Variants in AFF3 observed in about 807,000 individuals in gnomAD.
The protein encoded by AFF3 is ALF transcription elongation factor 3, also known as AF4/FMR2 family member 3.
A neutral mutation model predicts 129.7 loss-of-function variants in AFF3; 32 were observed. That is an observed-to-expected ratio of 0.25 (90% CI 0.19 to 0.33). The LOEUF (loss-of-function observed/expected upper bound fraction) is 0.33. AFF3 is among the 10% of genes least tolerant of loss of function. AFF3 has a pLI of 1.00. For synonymous variants in AFF3, 644 were observed against 635.4 expected, an observed-to-expected ratio of 1.01 and a Z score of -0.20; for missense variants, 1,373 against 1,592.0, an observed-to-expected ratio of 0.86 and a Z score of 2.34.
intron 1 of AFF3, among the ~76,000 whole-genome samples, chr2:100,132,625 A>G (rs1002556630): frequency 3.3e-5 from 5 of 152,228 alleles, no homozygotes; most frequent in African/African-American, 1.2e-4. Flanking sequence ...ATAAGGCAGT[A>G]TACATACACT....
intron 4 of AFF3, among the ~76,000 whole-genome samples, chr2:100,028,809 C>G (rs542352422): frequency 6.6e-6 from 1 of 152,212 alleles, no homozygotes; most frequent in East Asian, 1.9e-4. Flanking sequence ...TTGAGCACTG[C>G]TGATGGAAAT....
chr2:99,784,191 A>T (rs1320526205), intron 8 of AFF3, among the ~76,000 whole-genome samples: 2 of 152,224 alleles, frequency 1.3e-5, no homozygotes, highest in African/African-American at 4.8e-5. Context: ...AATCAGAACC[A>T]AGCCCAGATA....
At chr2:99,837,988 A>G (rs937009906) in intron 7 of AFF3, among the ~76,000 whole-genome samples, 3 of 152,160 alleles carry the variant, frequency 2.0e-5, no homozygotes, top group African/African-American at 7.2e-5. Context: ...ACCGTCCTCA[A>G]AGCCTTGGTT....
chr2:99,866,525 C>T (rs1362146495), intron 7 of AFF3, among the ~76,000 whole-genome samples: 1 of 151,720 alleles, frequency 6.6e-6, no homozygotes, highest in Non-Finnish European at 1.5e-5. Context: ...AAACTGCCAC[C>T]ATCATCACCC....
chr2:99,893,778 G>C (rs1357182398), intron 7 of AFF3, among the ~76,000 whole-genome samples: 1 of 152,216 alleles, frequency 6.6e-6, no homozygotes, highest in Non-Finnish European at 1.5e-5. Flanking sequence ...GCTAGACACA[G>C]AAACTTCCAA....
chr2:99,961,911 A>G (rs1444244132), intron 7 of AFF3, among the ~76,000 whole-genome samples: 1 of 152,184 alleles, frequency 6.6e-6, no homozygotes, highest in African/African-American at 2.4e-5. Flanking sequence ...CACCCCACTG[A>G]AAAAACTTGG....
chr2:99,714,323 A>T (rs1286303441), intron 11 of AFF3, among the ~76,000 whole-genome samples: 1 of 152,170 alleles, frequency 6.6e-6, no homozygotes, highest in Non-Finnish European at 1.5e-5. Context: ...GCCCCTTTGC[A>T]GGCCTCCAGT....
In AFF3 at chr2:100,073,019, C is replaced by T. The variant is rs150567119; in HGVS notation, c.53+31383G>A. On this transcript the variant is annotated intron_variant, in intron 4 of 24. Coordinates refer to ENST00000672756, the MANE Select transcript of AFF3 (RefSeq NM_001386135.1). ...CGATGGAGAACAAGATAAAGGCCAA[C>T]GCTGTGAGTGTCAATGTTGAGGACA... Among the ~76,000 whole-genome samples the T allele has an allele frequency of 1.4e-4, 21 of 152,286 alleles. No homozygotes were observed. The East Asian group carries it at 1.7e-3, about 13-fold the overall frequency.
chr2:99,601,586 A>T lies in AFF3; in HGVS notation c.1220T>A (p.Val407Glu). 6.3e-7 allele frequency: 1 copy of T among 1,598,654 alleles called. No individual in the cohort carries two copies. The change falls in exon 14 of 25, where the codon GTG (valine) becomes GAG (glutamate). Residue 407 changes from valine (V) to glutamate (E), a missense_variant. Around this residue, in one of 9 missense-constraint regions of AFF3, gnomAD observed 413 missense variants for 424.4 expected, o/e 0.97. Coordinates refer to ENST00000672756, the MANE Select transcript of AFF3 (RefSeq NM_001386135.1). ...GCTGCTGCTGCCCTTGCTGGAAGGC[A>T]CCGAGGTTCTGCAGTTGGGCTGCTG... Reference protein sequence around the residue: ...VVQQPNCRTSVPSSKGSSSSS... With the variant: ...VVQQPNCRTSEPSSKGSSSSS...
chr2:99,567,024 G>C (rs1380766964), intron 19 of AFF3, among the ~76,000 whole-genome samples: 1 of 150,092 alleles, frequency 6.7e-6, no homozygotes, highest in East Asian at 2.0e-4. Flanking sequence ...CTGGAGTGCA[G>C]TGGCATGATC....
At chr2:99,994,365 T>C (rs914824081) in intron 7 of AFF3, among the ~76,000 whole-genome samples, 2 of 151,920 alleles carry the variant, frequency 1.3e-5, no homozygotes, top group East Asian at 1.9e-4. Context: ...AAGAGAGAGG[T>C]AAAAAAAGTG....
At chr2:99,929,259 A>C (rs1264352551) in intron 7 of AFF3, among the ~76,000 whole-genome samples, 1 of 152,120 alleles carries the variant, frequency 6.6e-6, no homozygotes, top group Non-Finnish European at 1.5e-5. Context: ...CCCAGGAGGC[A>C]GAGGTTGTGG....
Position 99,732,873 on chromosome 2 carries a change from T to C in AFF3, c.1040-5745A>G, listed in dbSNP as rs143166669. On this transcript the variant is annotated intron_variant, in intron 10 of 24. Coordinates refer to ENST00000672756, the MANE Select transcript of AFF3 (RefSeq NM_001386135.1). ...ACTTGTTATGATCAAGGTTTTAAAG[T>C]TTTTTCTAATTTAATAATGTAGAAT... 4.7e-3 allele frequency among the ~76,000 whole-genome samples: 666 copies of C among 142,514 alleles called. 3 individuals carry two copies. Among genetic ancestry groups the C allele is most frequent in the African/African-American group, 0.016 (631 of 39,304 alleles). The allele number at this position is 142,514 out of a possible 152,430, so 93.5% of individuals were successfully genotyped here.
intron 11 of AFF3, among the ~76,000 whole-genome samples, chr2:99,695,420 C>T (rs753074611): frequency 3.3e-5 from 5 of 152,196 alleles, no homozygotes; most frequent in African/African-American, 1.2e-4. Context: ...TCCCAACAAC[C>T]AGGGGATATA....
At chr2:99,777,777 G>C (rs566106236) in intron 8 of AFF3, among the ~76,000 whole-genome samples, 133 of 151,604 alleles carry the variant, frequency 8.8e-4, no homozygotes, top group Non-Finnish European at 4.1e-4. Flanking sequence ...CTACCTGTAG[G>C]CCATGTCTTC....
chr2:99,778,303 T>C (rs1684105129), intron 8 of AFF3, among the ~76,000 whole-genome samples: 1 of 152,218 alleles, frequency 6.6e-6, no homozygotes. Context: ...TACCTGGCAC[T>C]AGGTGAAGCT....
At chr2:99,951,514 A>T (rs1355317807) in intron 7 of AFF3, among the ~76,000 whole-genome samples, 1 of 152,178 alleles carries the variant, frequency 6.6e-6, no homozygotes, top group Non-Finnish European at 1.5e-5. Flanking sequence ...TGTTTACAAC[A>T]ATCTTATTAG....
rs564830852 is a variant in AFF3 at position 99,845,263 on chromosome 2, A to C, written c.874-7739T>G. Among the ~76,000 whole-genome samples the C allele has an allele frequency of 4.6e-5, 7 of 152,332 alleles. No individual in the cohort carries two copies. In the East Asian group the frequency reaches 1.2e-3, roughly 25 times the overall value. On this transcript the variant is annotated intron_variant, in intron 7 of 24. Transcript: ENST00000672756. The stretch of plus-strand genomic sequence containing the variant: ...AGACAATATTGTTAAAGAGCTAATA[A>C]TTTTCTGTCAGATATTTAGCACTAG...
intron 13 of AFF3, among the ~76,000 whole-genome samples, chr2:99,629,975 A>G (rs929002084): frequency 6.6e-6 from 1 of 152,226 alleles, no homozygotes; most frequent in Admixed American, 6.5e-5. Context: ...CATTTAGTTC[A>G]TAACAGGTGC....
Sources: gnomAD v4.1 joint callset for allele counts (sites outside exome capture counted in the v4.1 genomes callset) on GRCh38, gnomAD v4.1.1 for gene constraint, gnomAD v4.1.1 regional missense constraint, MANE v1.5 for transcripts, NCBI Gene and HGNC (gene_info 2026-07-23, HGNC 2026-07-21) for gene names.